The following CEP128 variants were observed in gnomAD, a reference collection of about 807,000 sequenced individuals.
CEP128 encodes centrosomal protein 128kDa.
CEP128 carries 132 observed loss-of-function variants against 156.7 expected under a neutral mutation model. The observed-to-expected ratio is 0.84, with a 90% CI of 0.73 to 0.97. The LOEUF (loss-of-function observed/expected upper bound fraction) is 0.97. Ranked by LOEUF, CEP128 falls within the 50% of genes least tolerant of loss-of-function variation. The pLI is 0.00. For synonymous variants in CEP128, 469 were observed against 448.9 expected, an observed-to-expected ratio of 1.04 and a Z score of -0.57; for missense variants, 1,252 against 1,281.9, an observed-to-expected ratio of 0.98 and a Z score of 0.36.
chr14:80,555,071 A>C (rs1046738296), intron 21 of CEP128, among the ~76,000 whole-genome samples: 1 of 152,168 alleles, frequency 6.6e-6, no homozygotes, highest in African/African-American at 2.4e-5. Flanking sequence ...GATATAAAAA[A>C]ATCAAGTCTA....
chr14:80,729,056 G>GGTGTGTGT (rs771841400), intron 19 of CEP128, among the ~76,000 whole-genome samples: 1 of 88,180 alleles, frequency 1.1e-5, no homozygotes. Flanking sequence ...TGGGCTGGTG[G>GGTGTGTGT]GGGTGTGTGT....
downstream of CEP128, among the ~76,000 whole-genome samples, chr14:80,495,669 A>T (rs935394846): frequency 6.6e-6 from 1 of 151,920 alleles, no homozygotes; most frequent in African/African-American, 2.4e-5. Flanking sequence ...GTTTGGTGCA[A>T]TTTTTTTTAA....
At chr14:80,626,233 G>C (rs567093537) in intron 19 of CEP128, among the ~76,000 whole-genome samples, 45 of 152,040 alleles carry the variant, frequency 3.0e-4, no homozygotes, top group African/African-American at 1.1e-3. Flanking sequence ...GGGAGGCCGA[G>C]GCGGGTGGAT....
intron 13 of CEP128, among the ~76,000 whole-genome samples, chr14:80,818,831 A>G (rs1215640752): frequency 1.3e-5 from 2 of 152,372 alleles, no homozygotes; most frequent in East Asian, 3.9e-4. Flanking sequence ...TTCAACCAGA[A>G]AATATCAATT....
chr14:80,874,191 G>C (rs1263654425), intron 8 of CEP128, among the ~76,000 whole-genome samples: 1 of 152,056 alleles, frequency 6.6e-6, no homozygotes, highest in African/African-American at 2.4e-5. Context: ...GGGTGCAGTG[G>C]GGTGGCTCAC....
intron 14 of CEP128, among the ~76,000 whole-genome samples, chr14:80,790,534 T>C (rs2139833634): frequency 6.6e-6 from 1 of 152,198 alleles, no homozygotes; most frequent in Middle Eastern, 3.4e-3. Flanking sequence ...TAAATATCCA[T>C]TGCATTGTCT....
At chr14:80,766,831 A>G (rs1900263626) in intron 16 of CEP128, among the ~76,000 whole-genome samples, 1 of 152,150 alleles carries the variant, frequency 6.6e-6, no homozygotes, top group Non-Finnish European at 1.5e-5. Context: ...GAGATAGGAT[A>G]AAAGGTAGAG....
chr14:80,553,239 C>T (rs893007104), intron 21 of CEP128, among the ~76,000 whole-genome samples: 3 of 152,038 alleles, frequency 2.0e-5, no homozygotes, highest in Non-Finnish European at 2.9e-5. Context: ...TAATGCTCTC[C>T]CTCCCTTACC....
At chr14:80,693,540 C>G (rs920366613) in intron 19 of CEP128, among the ~76,000 whole-genome samples, 2 of 151,940 alleles carry the variant, frequency 1.3e-5, no homozygotes, top group Non-Finnish European at 2.9e-5. Context: ...ACTGCCATAA[C>G]TATTTGCTTG....
chr14:80,776,493 A>G (rs1372144400), intron 16 of CEP128, among the ~76,000 whole-genome samples: 4 of 147,906 alleles, frequency 2.7e-5, no homozygotes, highest in Non-Finnish European at 6.0e-5. Flanking sequence ...ATTTAATTTT[A>G]TATTTATATG....
chr14:80,492,286 A>C (rs1044140332), downstream of CEP128, among the ~76,000 whole-genome samples: 18 of 152,238 alleles, frequency 1.2e-4, no homozygotes, highest in African/African-American at 4.3e-4. Context: ...ACAAGGATGA[A>C]GAATAATGAT....
intron 8 of CEP128, among the ~76,000 whole-genome samples, chr14:80,870,845 C>T (rs1470312077): frequency 2.6e-5 from 4 of 151,044 alleles, no homozygotes; most frequent in Non-Finnish European, 3.0e-5. Flanking sequence ...ATACAGAAAG[C>T]CCTAAAGAGG....
At chr14:80,599,755 A>C (rs993643111) in intron 19 of CEP128, among the ~76,000 whole-genome samples, 3 of 152,160 alleles carry the variant, frequency 2.0e-5, no homozygotes, top group Admixed American at 6.5e-5. Flanking sequence ...GTACAAAAAA[A>C]CCTAAAGGAA....
At chr14:80,817,868 GAA>G (rs78580172) in intron 13 of CEP128, among the ~76,000 whole-genome samples, 5 of 118,418 alleles carry the variant, frequency 4.2e-5, no homozygotes, top group East Asian at 2.4e-4. Flanking sequence ...TGACAGAGAA[GAA>G]AAAAAAAAAA....
intron 21 of CEP128, among the ~76,000 whole-genome samples, chr14:80,533,833 T>C (rs571945131): frequency 2.0e-5 from 3 of 152,184 alleles, no homozygotes; most frequent in Non-Finnish European, 4.4e-5. Flanking sequence ...CCTTATATTC[T>C]AGTCAATTAA....
At chr14:80,768,049 T>C (rs971806572) in intron 16 of CEP128, among the ~76,000 whole-genome samples, 1 of 152,196 alleles carries the variant, frequency 6.6e-6, no homozygotes, top group Non-Finnish European at 1.5e-5. Context: ...TAAGCTTTTA[T>C]GTTCTACTCA....
intron 8 of CEP128, chr14:80,894,578 A>G (rs1889258123): frequency 2.2e-6 from 1 of 461,260 alleles, no homozygotes; most frequent in Non-Finnish European, 4.3e-6. Flanking sequence ...GATATTCCAC[A>G]TTAGATACCA....
intron 21 of CEP128, among the ~76,000 whole-genome samples, chr14:80,553,216 T>C (rs922910571): frequency 2.0e-5 from 3 of 152,062 alleles, no homozygotes; most frequent in African/African-American, 7.2e-5. Context: ...CCACATGCAT[T>C]AGATATTTGT....
chr14:80,571,952 T>C (rs991907884), intron 20 of CEP128, among the ~76,000 whole-genome samples: 4 of 152,198 alleles, frequency 2.6e-5, no homozygotes, highest in African/African-American at 9.7e-5. Context: ...ATTACAATAG[T>C]AGTTACGTAC....
Sources: allele counts gnomAD v4.1 joint callset (sites outside exome capture counted in the v4.1 genomes callset), GRCh38; gene constraint gnomAD v4.1.1; transcripts MANE v1.5; gene names NCBI Gene and HGNC (gene_info 2026-07-23, HGNC 2026-07-21).